SLC17A1: variants seen among roughly 807,000 people sequenced by gnomAD.
SLC17A1 encodes sodium-dependent phosphate transport protein 1.
Under a neutral mutation model 53.5 loss-of-function variants are expected in SLC17A1, and 51 were observed. The observed-to-expected ratio is 0.95, with a 90% CI of 0.76 to 1.20. The LOEUF (loss-of-function observed/expected upper bound fraction) is 1.20, where lower values mean the gene tolerates loss of function less well. Among genes scored for constraint, SLC17A1 ranks in the 50% most tolerant of loss-of-function variants. The probability of loss-of-function intolerance (pLI) is 0.00; values close to 1 mark genes in which losing one functional copy is unlikely to be tolerated. For missense variants in SLC17A1, 538 were observed against 568.2 expected (o/e 0.95, Z 0.54); for synonymous variants, 179 against 198.8 (o/e 0.90, Z 0.84).
chr6:25,732,723 T>TA, the SLC17A1 span: 1 of 1,276,798 alleles, frequency 7.8e-7, no homozygotes, highest in South Asian at 1.2e-5. Context: ...GACAAGCTGC[T>TA]GGCCCGAGTG....
At chr6:25,788,023 G>C (rs940922980) in intron 12 of SLC17A1, among the ~76,000 whole-genome samples, 1 of 152,124 alleles carries the variant, frequency 6.6e-6, no homozygotes, top group Admixed American at 6.5e-5. Flanking sequence ...ACTGAGTAGT[G>C]GGAATATGAA....
At chr6:25,771,128 G>A in the SLC17A1 span, 6 of 825,854 alleles carry the variant, frequency 7.3e-6, no homozygotes, top group Non-Finnish European at 1.2e-5. Context: ...AGCTGGTAGT[G>A]TTCAGAGCCA....
intron 3 of SLC17A1, among the ~76,000 whole-genome samples, chr6:25,823,188 G>T (rs1164832550): frequency 1.3e-5 from 2 of 152,010 alleles, no homozygotes; most frequent in African/African-American, 2.4e-5. Flanking sequence ...GCCATAGTTT[G>T]TTCAATCATT....
intron 11 of SLC17A1, 105 bp downstream of exon 11, chr6:25,800,785 A>T (rs1399617760): frequency 4.2e-6 from 3 of 709,000 alleles, no homozygotes; most frequent in Non-Finnish European, 7.4e-6. Flanking sequence ...GCAAAAACTC[A>T]TAAGTCATCT....
the SLC17A1 span, among the ~76,000 whole-genome samples, chr6:25,759,743 T>C: frequency 6.6e-6 from 1 of 152,210 alleles, no homozygotes; most frequent in Non-Finnish European, 1.5e-5. Flanking sequence ...CCCACCTCTT[T>C]ACCTTAAGTT....
At chr6:25,797,899 C>T (rs762085729) in intron 12 of SLC17A1, among the ~76,000 whole-genome samples, 1 of 152,102 alleles carries the variant, frequency 6.6e-6, no homozygotes, top group Non-Finnish European at 1.5e-5. Context: ...AGACCCTGAG[C>T]CTTTTGACCT....
rs115073239 is a variant in SLC17A1, at chr6:25,822,525, C to A, written c.208-2610G>T. On this transcript the variant is annotated intron_variant, in intron 3 of 12. Transcript: ENST00000244527. ...ATTTCTTCATTTTTAAATGTAGTAC[C>A]TTATGTAGCAGTAAACTGAATTGTG... Among the ~76,000 whole-genome samples the A allele has an allele frequency of 4.6e-3, 696 of 151,960 alleles. 11 individuals carry two copies. Among genetic ancestry groups the A allele is most frequent in the African/African-American group, 0.016 (652 of 41,414 alleles).
intron 2 of SLC17A1, among the ~76,000 whole-genome samples, chr6:25,828,829 A>G (rs1272845891): frequency 6.6e-6 from 1 of 152,166 alleles, no homozygotes; most frequent in Non-Finnish European, 1.5e-5. Context: ...ATAAATTATA[A>G]TATATCCATC....
At chr6:25,783,395 T>C (rs917072655) in intron 12 of SLC17A1, among the ~76,000 whole-genome samples, 177 bp from the exon 13 acceptor site, 2 of 152,314 alleles carry the variant, frequency 1.3e-5, no homozygotes, top group Non-Finnish European at 1.5e-5. Flanking sequence ...TTTTTTACAC[T>C]TCTCTCCTCT....
intron 3 of SLC17A1, among the ~76,000 whole-genome samples, chr6:25,825,820 T>G (rs1156701100): frequency 1.3e-5 from 2 of 152,090 alleles, no homozygotes; most frequent in Non-Finnish European, 2.9e-5. Context: ...AAAGATCTGT[T>G]AATTTTTTAA....
At chr6:25,798,499 T>C in intron 12 of SLC17A1, 1 of 272,420 alleles carries the variant, frequency 3.7e-6, no homozygotes, top group East Asian at 6.4e-5. Context: ...CTGTTCTTCC[T>C]ACTTCGTTGA....
chr6:25,823,383 G>A (rs1764632971), intron 3 of SLC17A1, among the ~76,000 whole-genome samples: 2 of 152,104 alleles, frequency 1.3e-5, no homozygotes, highest in Non-Finnish European at 1.5e-5. Flanking sequence ...AATTTTTTAT[G>A]AAATGACAAA....
At chr6:25,727,382 A>T in the SLC17A1 span, 39 of 1,073,186 alleles carry the variant, frequency 3.6e-5, no homozygotes, top group Non-Finnish European at 4.5e-5. Flanking sequence ...GTTTTTGTGT[A>T]GTTTCTAACC....
the SLC17A1 span, among the ~76,000 whole-genome samples, chr6:25,731,543 A>G: frequency 1.3e-5 from 2 of 152,230 alleles, no homozygotes; most frequent in Non-Finnish European, 2.9e-5. Flanking sequence ...GGGAGCTCCC[A>G]TTTAATTGCC....
At chr6:25,729,970 C>G in the SLC17A1 span, among the ~76,000 whole-genome samples, 1 of 152,030 alleles carries the variant, frequency 6.6e-6, no homozygotes, top group Non-Finnish European at 1.5e-5. Context: ...ATACTTAATA[C>G]TATTAATAAA....
At chr6:25,826,418 C>T in intron 3 of SLC17A1, 43 bp downstream of exon 3, 1 of 1,479,912 alleles carries the variant, frequency 6.8e-7, no homozygotes, top group Non-Finnish European at 9.2e-7. Flanking sequence ...GTTAGCAAGA[C>T]AGGCTTTTAA....
At chr6:25,753,329 T>C in the SLC17A1 span, among the ~76,000 whole-genome samples, 1 of 152,142 alleles carries the variant, frequency 6.6e-6, no homozygotes, top group Admixed American at 6.5e-5. Flanking sequence ...TCCAAGGTGA[T>C]GTAAGGTGTT....
At chr6:25,777,948 C>G (rs1282494399), downstream of SLC17A1, 1 of 1,613,154 alleles carries the variant, frequency 6.2e-7, no homozygotes, top group Non-Finnish European at 8.5e-7. Context: ...TCTCAAAGGA[C>G]TATTGCAAGT....
the SLC17A1 span, among the ~76,000 whole-genome samples, chr6:25,741,288 G>A: frequency 6.6e-6 from 1 of 151,956 alleles, no homozygotes; most frequent in Admixed American, 6.6e-5. Flanking sequence ...TACAAAATAT[G>A]GCTGGGCACT....
Sources: allele counts gnomAD v4.1 joint callset (sites outside exome capture counted in the v4.1 genomes callset), GRCh38; gene constraint gnomAD v4.1.1; transcripts MANE v1.5; gene names NCBI Gene and HGNC (gene_info 2026-07-23, HGNC 2026-07-21).